The following DPP10 variants were observed in gnomAD, a reference collection of about 807,000 sequenced individuals.
DPP10 encodes dipeptidyl peptidase like 10.
A neutral mutation model predicts 120.9 loss-of-function variants in DPP10; 33 were observed. The observed-to-expected ratio is 0.27, with a 90% CI of 0.21 to 0.37. The LOEUF (loss-of-function observed/expected upper bound fraction) is 0.37, where lower values mean the gene tolerates loss of function less well. DPP10 is among the 10% of genes least tolerant of loss of function. The pLI is 1.00. For synonymous variants in DPP10, 337 were observed against 326.1 expected (o/e 1.03, Z -0.36); for missense variants, 816 against 942.8 (o/e 0.87, Z 1.76).
At chr2:115,352,247 T>G (rs2064081810) in intron 3 of DPP10, among the ~76,000 whole-genome samples, 1 of 152,166 alleles carries the variant, frequency 6.6e-6, no homozygotes, top group Non-Finnish European at 1.5e-5. Context: ...AAAACTATAT[T>G]TTGATTTTTA....
intron 1 of DPP10, among the ~76,000 whole-genome samples, chr2:114,626,034 C>T (rs985398467): frequency 2.6e-5 from 4 of 151,080 alleles, no homozygotes; most frequent in African/African-American, 7.3e-5. Flanking sequence ...TAAATTTATA[C>T]TGATGACTAC....
chr2:115,378,611 G>A (rs1421813597), intron 3 of DPP10, among the ~76,000 whole-genome samples: 1 of 149,980 alleles, frequency 6.7e-6, no homozygotes, highest in Non-Finnish European at 1.5e-5. Flanking sequence ...TGGTGAGAGA[G>A]GACATCCCTG....
chr2:115,761,588 G>C (rs1022416827), intron 11 of DPP10, among the ~76,000 whole-genome samples: 2 of 151,946 alleles, frequency 1.3e-5, no homozygotes, highest in Non-Finnish European at 2.9e-5. Flanking sequence ...TTTTATTTCT[G>C]TGCTTTACAG....
chr2:114,787,292 C>T (rs919242596), intron 1 of DPP10, among the ~76,000 whole-genome samples: 1 of 152,104 alleles, frequency 6.6e-6, no homozygotes, highest in Non-Finnish European at 1.5e-5. Context: ...TGAGTTTAGC[C>T]TGTTTTAGAA....
chr2:114,883,786 A>G (rs1307033143), intron 1 of DPP10, among the ~76,000 whole-genome samples: 1 of 152,204 alleles, frequency 6.6e-6, no homozygotes, highest in Non-Finnish European at 1.5e-5. Flanking sequence ...CCTCACTCAC[A>G]GGTCTGGCAT....
chr2:114,481,174 C>A (rs530917167), intron 1 of DPP10, among the ~76,000 whole-genome samples: 2 of 151,998 alleles, frequency 1.3e-5, no homozygotes, highest in Admixed American at 1.3e-4. Context: ...TTGCAAACTA[C>A]GTATTCAATG....
intron 1 of DPP10, among the ~76,000 whole-genome samples, chr2:114,926,047 C>T (rs966540943): frequency 5.3e-5 from 8 of 152,078 alleles, no homozygotes; most frequent in Admixed American, 3.3e-4. Context: ...AACATTGTAA[C>T]GTGTGTGGTA....
chr2:114,616,315 T>C (rs1022463448), intron 1 of DPP10, among the ~76,000 whole-genome samples: 1 of 152,142 alleles, frequency 6.6e-6, no homozygotes, highest in African/African-American at 2.4e-5. Context: ...GTGGAATACG[T>C]TGGGCCAATG....
intron 1 of DPP10, among the ~76,000 whole-genome samples, chr2:114,851,678 C>A (rs1688954445): frequency 6.6e-6 from 1 of 152,154 alleles, no homozygotes; most frequent in South Asian, 2.1e-4. Context: ...GCAATTTATA[C>A]CATTTTATCT....
At chr2:115,780,080 T>C (rs1459593080) in intron 15 of DPP10, among the ~76,000 whole-genome samples, 3 of 152,012 alleles carry the variant, frequency 2.0e-5, no homozygotes, top group African/African-American at 4.8e-5. Flanking sequence ...TTGAGACCTT[T>C]TGTCTGATCA....
In DPP10 at chr2:115,448,083, G is replaced by A. The variant is rs376188134; in HGVS notation, c.272-51427G>A. Among the ~76,000 whole-genome samples the A allele has an allele frequency of 9.2e-5, 14 of 152,304 alleles. No individual in the cohort carries two copies. In the East Asian group the frequency reaches 2.5e-3, roughly 27 times the overall value. Reference sequence around the variant, plus strand: ...GAAGGAGAAGATCCACCCTGTGTGGGGAACAATGAGAACAGGTCTGAGGTA... The same window carrying A: ...GAAGGAGAAGATCCACCCTGTGTGGAGAACAATGAGAACAGGTCTGAGGTA... On this transcript the variant is annotated intron_variant, in intron 3 of 25. Transcript: ENST00000410059.
At chr2:115,468,885 A>C (rs1053223608) in intron 3 of DPP10, 1 of 409,646 alleles carries the variant, frequency 2.4e-6, no homozygotes, top group Non-Finnish European at 4.8e-6. Flanking sequence ...CTGGTCTTCA[A>C]CTCCCACTTC....
At chr2:115,483,440 T>TATCA (rs1274515640) in intron 3 of DPP10, among the ~76,000 whole-genome samples, 17 of 64,992 alleles carry the variant, frequency 2.6e-4, no homozygotes, top group Non-Finnish European at 5.0e-4. Context: ...TCTGTCTGTC[T>TATCA]ATCTATCTAT....
intron 1 of DPP10, among the ~76,000 whole-genome samples, chr2:114,735,923 A>G (rs1281272106): frequency 6.6e-6 from 1 of 152,074 alleles, no homozygotes; most frequent in African/African-American, 2.4e-5. Context: ...ATCTACTTGT[A>G]TATTTGTTTC....
intron 3 of DPP10, among the ~76,000 whole-genome samples, chr2:115,492,452 T>C (rs2076175918): frequency 6.6e-6 from 1 of 152,130 alleles, no homozygotes; most frequent in Non-Finnish European, 1.5e-5. Context: ...AATTGAGGGA[T>C]GTGAGTGCTT....
intron 1 of DPP10, among the ~76,000 whole-genome samples, chr2:115,175,725 T>A (rs1475695888): frequency 6.6e-6 from 1 of 152,238 alleles, no homozygotes; most frequent in Non-Finnish European, 1.5e-5. Flanking sequence ...TCCAATATGA[T>A]AACCACCAGC....
rs549879692 is a variant in DPP10 at position 115,621,768 on chromosome 2, C to T, written c.442-67919C>T. On this transcript the variant is annotated intron_variant, in intron 5 of 25. Transcript: ENST00000410059. ...GATCTCGGCTCACTGCAACCTCCGC[C>T]TCCCAGGTTCAAGCAATTCTCCCCT... Among the ~76,000 whole-genome samples the T allele has an allele frequency of 5.3e-4, 80 of 152,290 alleles. 2 individuals carry two copies. The highest frequency in any genetic ancestry group is 4.4e-3 in the Admixed American group (67 of 15,300).
intron 1 of DPP10, among the ~76,000 whole-genome samples, chr2:114,965,944 C>T (rs1448386366): frequency 1.3e-4 from 14 of 110,308 alleles, no homozygotes; most frequent in South Asian, 3.4e-4. Context: ...CCAGCTTGGG[C>T]GCAGAGCGAG....
At chr2:115,635,872 A>C (rs1384583340) in intron 5 of DPP10, among the ~76,000 whole-genome samples, 2 of 152,236 alleles carry the variant, frequency 1.3e-5, no homozygotes, top group Non-Finnish European at 2.9e-5. Context: ...TAATGAAAGA[A>C]TTATCAATAC....
Sources: gnomAD v4.1 joint callset for allele counts (sites outside exome capture counted in the v4.1 genomes callset) on GRCh38, gnomAD v4.1.1 for gene constraint, MANE v1.5 for transcripts, NCBI Gene and HGNC (gene_info 2026-07-23, HGNC 2026-07-21) for gene names.